The following CHD6 variants were observed in gnomAD, a reference collection of about 807,000 sequenced individuals.
CHD6 encodes the protein chromodomain helicase DNA binding protein 6, also known as ATP-dependent chromatin remodeler CHD6.
In CHD6, 50 loss-of-function variants were observed where a neutral mutation model predicts 276.9. The observed-to-expected ratio is 0.18, with a 90% CI of 0.14 to 0.23. CHD6 has a LOEUF of 0.23. Among genes scored for constraint, CHD6 ranks in the 10% least tolerant of loss-of-function variants. CHD6 has a pLI of 1.00. For synonymous variants in CHD6, 1,173 were observed against 1,229.3 expected (o/e 0.95, Z 0.96); for missense variants, 2,564 against 3,365.8 (o/e 0.76, Z 5.89).
chr20:41,467,970 CTTTGT>C (rs1350482260), intron 17 of CHD6, among the ~76,000 whole-genome samples: 1 of 152,132 alleles, frequency 6.6e-6, no homozygotes, highest in Non-Finnish European at 1.5e-5. Context: ...TGGTCATACT[CTTTGT>C]TTTGTCTGGA....
Position 41,420,517 on chromosome 20 carries a change from G to A in CHD6, c.6118C>T (p.His2040Tyr), listed in dbSNP as rs760610864. The A allele has an allele frequency of 6.2e-7, 1 of 1,609,518 alleles. No homozygotes were observed. ...ATCCTACATACTGTACCTTGACTAT[G>A]GCAGTTTCCGTCTCTATCATAATCA... ...KDDYDRDGNC[H>Y]SQDYPGKYSE... Residue 2040 changes from histidine (H) to tyrosine (Y), a missense_variant, in exon 31 of 37, where the codon CAT (histidine) becomes TAT (tyrosine). Physicochemically the swap from His to Tyr is moderately conservative, Grantham distance 83. This residue lies in a region of CHD6 where 1,024 missense variants were observed against 1,047.9 expected (regional missense o/e 0.98). Coordinates refer to ENST00000373233, the MANE Select transcript of CHD6 (RefSeq NM_032221.5).
At chr20:41,612,399 A>C (rs2045895630) in intron 1 of CHD6, among the ~76,000 whole-genome samples, 1 of 152,196 alleles carries the variant, frequency 6.6e-6, no homozygotes, top group Non-Finnish European at 1.5e-5. Flanking sequence ...CATTAAGCAA[A>C]ATACCCCTAA....
intron 1 of CHD6, among the ~76,000 whole-genome samples, chr20:41,606,021 T>C (rs546163593): frequency 6.6e-6 from 1 of 152,246 alleles, no homozygotes; most frequent in East Asian, 1.9e-4. Flanking sequence ...TTTAGAACAC[T>C]GAAGGAAAAG....
intron 5 of CHD6, among the ~76,000 whole-genome samples, chr20:41,503,190 G>C (rs1163562763): frequency 6.6e-6 from 1 of 152,074 alleles, no homozygotes. Context: ...ATCCTTTCCT[G>C]ATGTTATGTC....
At chr20:41,490,265 G>A (rs1428225923) in intron 11 of CHD6, among the ~76,000 whole-genome samples, 9 of 152,098 alleles carry the variant, frequency 5.9e-5, no homozygotes, top group Non-Finnish European at 1.0e-4. Context: ...GTCACACTCC[G>A]AGAAACGCAT....
At chr20:41,582,527 A>G (rs537715021) in intron 1 of CHD6, among the ~76,000 whole-genome samples, 4 of 152,168 alleles carry the variant, frequency 2.6e-5, no homozygotes, top group Non-Finnish European at 5.9e-5. Context: ...TCTCAACATA[A>G]ATATTTAATG....
chr20:41,431,666 C>G (rs2047541430), intron 27 of CHD6, among the ~76,000 whole-genome samples: 1 of 151,692 alleles, frequency 6.6e-6, no homozygotes, highest in South Asian at 2.1e-4. Context: ...ATAATTAAAC[C>G]CTCTGGATAG....
Position 41,545,433 on chromosome 20 carries a change from T to C in CHD6, c.33+5872A>G, listed in dbSNP as rs568608890. Reference sequence around the variant, plus strand: ...AGGGAGGAGAAAAGAGGTGGATAGGTCCCTTTTAAGTCCTTTTGAAACATG... The same window carrying C: ...AGGGAGGAGAAAAGAGGTGGATAGGCCCCTTTTAAGTCCTTTTGAAACATG... On this transcript the variant is annotated intron_variant, in intron 2 of 36. Transcript: ENST00000373233. Among the ~76,000 whole-genome samples, 125 of 152,304 alleles carry C rather than the reference T, an allele frequency of 8.2e-4. 1 individual carries two copies. The South Asian group carries it at 0.025, about 30-fold the overall frequency.
chr20:41,420,153 C>T (rs1361525057), intron 31 of CHD6, among the ~76,000 whole-genome samples: 1 of 152,168 alleles, frequency 6.6e-6, no homozygotes, highest in African/African-American at 2.4e-5. Context: ...TCCTAACATC[C>T]CAAGGCTGTT....
intron 27 of CHD6, among the ~76,000 whole-genome samples, chr20:41,429,915 C>T (rs1178451338): frequency 6.6e-6 from 1 of 152,230 alleles, no homozygotes; most frequent in East Asian, 1.9e-4. Flanking sequence ...TACCAATCTA[C>T]TAAACGGTTG....
At chr20:41,469,771 A>G (rs144570699) in intron 17 of CHD6, among the ~76,000 whole-genome samples, 10 of 152,348 alleles carry the variant, frequency 6.6e-5, no homozygotes, top group African/African-American at 2.2e-4. Context: ...CTGACTCTAG[A>G]TAAGATCTCC....
At chr20:41,551,631 G>C (rs141774016) in intron 1 of CHD6, among the ~76,000 whole-genome samples, 73 of 152,314 alleles carry the variant, frequency 4.8e-4, no homozygotes, top group South Asian at 1.7e-3. Context: ...ATGTATGAAA[G>C]TTAGTGGTAA....
At position 41,551,346 on chromosome 20, in the gene CHD6, G is replaced by C; in HGVS notation, c.-9C>G. On this transcript the variant is annotated 5_prime_UTR_variant, in exon 2 of 37. Coordinates refer to ENST00000373233, the MANE Select transcript of CHD6 (RefSeq NM_032221.5). ...TGTATTTTCATTTTCATCTATTGAAGGAAGATATTTATTTCTGTAAAACAT... is the reference window on the plus strand; with the variant it reads ...TGTATTTTCATTTTCATCTATTGAACGAAGATATTTATTTCTGTAAAACAT... The C allele has an allele frequency of 7.1e-7, 1 of 1,405,676 alleles. No individual in the cohort carries two copies. The highest frequency in any genetic ancestry group is 2.4e-5 in the East Asian group (1 of 42,502). The allele number at this position is 1,405,676 out of a possible 1,614,324, so 87.1% of individuals were successfully genotyped here.
Position 41,556,651 on chromosome 20 carries a change from C to T in CHD6, c.-23-5291G>A, listed in dbSNP as rs547326010. 2.0e-5 allele frequency among the ~76,000 whole-genome samples: 3 copies of T among 152,248 alleles called. No homozygotes were observed. The South Asian group carries it at 6.2e-4, about 32-fold the overall frequency. On this transcript the variant is annotated intron_variant, in intron 1 of 36. Transcript: ENST00000373233. ...GAGTAACTGTCTAGTTCACTGAAAG[C>T]AGACTCTGGCAAATCTCATGTTACT...
At chr20:41,471,290 G>A (rs1031512339) in intron 17 of CHD6, among the ~76,000 whole-genome samples, 1 of 152,172 alleles carries the variant, frequency 6.6e-6, no homozygotes, top group African/African-American at 2.4e-5. Context: ...TATAATTGTC[G>A]TAAGTAGGTT....
intron 5 of CHD6, among the ~76,000 whole-genome samples, chr20:41,504,084 A>AAAAAAAG (rs1364825858): frequency 4.1e-5 from 6 of 145,928 alleles, no homozygotes; most frequent in African/African-American, 1.6e-4. Context: ...TCTCAAAAAA[A>AAAAAAAG]AAAAAAAAAA....
intron 8 of CHD6, among the ~76,000 whole-genome samples, chr20:41,495,366 C>T (rs530382085): frequency 1.4e-4 from 22 of 152,094 alleles, no homozygotes; most frequent in Non-Finnish European, 2.5e-4. Context: ...CACACAAAGA[C>T]AAATATTGTA....
Position 41,475,892 on chromosome 20 carries a change from T to G in CHD6, c.2469-2375A>C, listed in dbSNP as rs114531014. 3.2e-3 allele frequency among the ~76,000 whole-genome samples: 488 copies of G among 152,350 alleles called. 2 individuals are homozygous for G. Among genetic ancestry groups the G allele is most frequent in the African/African-American group, 0.011 (467 of 41,576 alleles). ...GTTCCCATAAAATTAGATAAGTGTT[T>G]TTGTGTATTATAATGTAACAACACT... On this transcript the variant is annotated intron_variant, in intron 16 of 36. Transcript: ENST00000373233.
At position 41,421,801 on chromosome 20, in the gene CHD6, A is replaced by G. The variant is rs1340067085; in HGVS notation, c.4834T>C (p.Tyr1612His). 3 of 1,614,080 alleles carry G rather than the reference A, an allele frequency of 1.9e-6. No individual in the cohort carries two copies. The highest frequency in any genetic ancestry group is 2.5e-6 in the Non-Finnish European group (3 of 1,180,042). The part of the protein sequence containing the change: ...NDPQLSFLDA[Y>H]RNYAQHKRSG... ...CTTTTATGCTGGGCATAGTTTCTAT[A>G]GGCATCCAGGAAGGACAGCTGGGGG... Residue 1612 changes from tyrosine to histidine, a missense_variant, in exon 31 of 37, where the codon TAT becomes CAT. Around this residue, in one of 7 missense-constraint regions of CHD6, gnomAD observed 1,024 missense variants for 1,047.9 expected, o/e 0.98. Coordinates refer to ENST00000373233, the MANE Select transcript of CHD6 (RefSeq NM_032221.5).
Sources: gnomAD v4.1 joint callset for allele counts (sites outside exome capture counted in the v4.1 genomes callset) on GRCh38, gnomAD v4.1.1 for gene constraint, gnomAD v4.1.1 regional missense constraint, MANE v1.5 for transcripts, NCBI Gene and HGNC (gene_info 2026-07-23, HGNC 2026-07-21) for gene names.